C21orf91: variants seen among roughly 807,000 people sequenced by gnomAD.
C21orf91 encodes the protein protein EURL homolog.
In C21orf91, 26 loss-of-function variants were observed where a neutral mutation model predicts 32.9. That is an observed-to-expected ratio of 0.79 (90% confidence interval 0.58 to 1.10). The LOEUF (loss-of-function observed/expected upper bound fraction) is 1.10, where lower values mean the gene tolerates loss of function less well. Ranked by LOEUF, C21orf91 falls within the 50% of genes least tolerant of loss-of-function variation. C21orf91 has a pLI of 0.00. For synonymous variants in C21orf91, 126 were observed against 120.4 expected, an observed-to-expected ratio of 1.05 and a Z score of -0.31; for missense variants, 310 against 341.3, an observed-to-expected ratio of 0.91 and a Z score of 0.72.
intron 2 of C21orf91, among the ~76,000 whole-genome samples, chr21:17,814,529 C>T (rs1022727453): frequency 3.9e-5 from 6 of 152,154 alleles, no homozygotes; most frequent in African/African-American, 1.4e-4. Flanking sequence ...CACAATTCCG[C>T]AGGCTGTACA....
In C21orf91 at chr21:17,791,904, G is replaced by A. The variant is rs1314903034; in HGVS notation, c.*1511C>T. 2.6e-5 allele frequency: 4 copies of A among 152,046 alleles called. No individual in the cohort carries two copies. Among genetic ancestry groups the A allele is most frequent in the Non-Finnish European group, 5.9e-5 (4 of 67,964 alleles). The allele number at this position is 152,046 out of a possible 1,614,324, so 9.4% of individuals were successfully genotyped here. On this transcript the variant is annotated 3_prime_UTR_variant, in exon 5 of 5. Coordinates refer to ENST00000284881, the MANE Select transcript of C21orf91 (RefSeq NM_001100420.2). ...TAATACCCTCAGGCCAATTTAACAC[G>A]TCAGCATTACAAAAAGTTGTTTTCA...
chr21:17,796,700 T>A lies in C21orf91; in HGVS notation c.546A>T (p.Leu182Phe). ...LSMLQDSGATLCRNSVLWPHS... is the reference protein window; with the variant it reads ...LSMLQDSGATFCRNSVLWPHS... ...GAGGCCACAATACACTGTTACGACA[T>A]AAAGTGGCACCTGAATCTTGTAACA... is the stretch of plus-strand genomic sequence containing the variant. The change falls in exon 3 of 5, where the codon TTA (leucine) becomes TTT (phenylalanine). Residue 182 changes from leucine (L) to phenylalanine (F), a missense_variant. By Grantham distance (22) the Leu-to-Phe change is conservative (BLOSUM62 0). Coordinates refer to ENST00000284881, the MANE Select transcript of C21orf91 (RefSeq NM_001100420.2). 6.2e-7 allele frequency: 1 copy of A among 1,614,104 alleles called. No homozygotes were observed. The highest frequency in any genetic ancestry group is 1.1e-5 in the South Asian group (1 of 91,090).
chr21:17,809,784 A>G (rs1410635363), intron 2 of C21orf91, among the ~76,000 whole-genome samples: 1 of 152,172 alleles, frequency 6.6e-6, no homozygotes, highest in African/African-American at 2.4e-5. Context: ...GACACTTAGT[A>G]GTTGCTCAGT....
At chr21:17,818,386 C>T (rs2062679668) in intron 1 of C21orf91, 61 bp from the exon 2 acceptor site, 1 of 1,394,964 alleles carries the variant, frequency 7.2e-7, no homozygotes, top group Non-Finnish European at 9.8e-7. Flanking sequence ...GGGGTAGTTC[C>T]CTTTACTGGG....
chr21:17,802,284 C>T (rs945501116), intron 2 of C21orf91, among the ~76,000 whole-genome samples: 3 of 152,194 alleles, frequency 2.0e-5, no homozygotes, highest in Admixed American at 6.5e-5. Context: ...CCCCAGCCCC[C>T]CAAGTAGCTG....
intron 2 of C21orf91, among the ~76,000 whole-genome samples, chr21:17,811,080 C>T (rs1318072869): frequency 6.6e-6 from 1 of 152,144 alleles, no homozygotes; most frequent in African/African-American, 2.4e-5. Context: ...CTAAAAGTTA[C>T]TTAATAGCTC....
intron 2 of C21orf91, among the ~76,000 whole-genome samples, chr21:17,816,156 C>A (rs2062663786): frequency 6.6e-6 from 1 of 152,142 alleles, no homozygotes; most frequent in Non-Finnish European, 1.5e-5. Context: ...CGAAATAGTT[C>A]TAATTCAAAT....
chr21:17,798,008 CATGTTATTA>C (rs1007790527), intron 2 of C21orf91, among the ~76,000 whole-genome samples: 1 of 151,896 alleles, frequency 6.6e-6, no homozygotes, highest in Non-Finnish European at 1.5e-5. Flanking sequence ...AAGTTCAAGC[CATGTTATTA>C]AAGTTAAACA....
At chr21:17,807,642 T>C (rs1296971318) in intron 2 of C21orf91, among the ~76,000 whole-genome samples, 2 of 152,232 alleles carry the variant, frequency 1.3e-5, no homozygotes, top group African/African-American at 4.8e-5. Flanking sequence ...GACAGTGATA[T>C]GGACAATGAA....
At chr21:17,806,131 C>A (rs1269686055) in intron 2 of C21orf91, among the ~76,000 whole-genome samples, 1 of 152,190 alleles carries the variant, frequency 6.6e-6, no homozygotes, top group Non-Finnish European at 1.5e-5. Context: ...TGTCTCTCTG[C>A]CTTTCATCTC....
At chr21:17,797,459 T>C (rs1482396662) in intron 2 of C21orf91, among the ~76,000 whole-genome samples, 1 of 151,950 alleles carries the variant, frequency 6.6e-6, no homozygotes, top group Admixed American at 6.6e-5. Context: ...GCTTTCTTCA[T>C]GAAACCTTCT....
At chr21:17,819,073 G>A (rs903241938) in intron 1 of C21orf91, 49 of 152,220 alleles carry the variant, frequency 3.2e-4, no homozygotes, top group Non-Finnish European at 8.8e-5. Flanking sequence ...GGTCCGCCCA[G>A]CCTCAGCGTC....
At chr21:17,805,041 C>T (rs564598001) in intron 2 of C21orf91, among the ~76,000 whole-genome samples, 6 of 152,316 alleles carry the variant, frequency 3.9e-5, no homozygotes, top group East Asian at 1.9e-4. Context: ...TTAACAGCAA[C>T]GCCCAACAGA....
intron 1 of C21orf91, 89 bp from the exon 2 acceptor site, chr21:17,818,414 G>T: frequency 9.3e-7 from 1 of 1,074,882 alleles, no homozygotes; most frequent in East Asian, 2.4e-5. Context: ...AGGAAATAAG[G>T]ATGCTGTTCA....
chr21:17,803,452 G>A (rs897853760), intron 2 of C21orf91, among the ~76,000 whole-genome samples: 1 of 152,248 alleles, frequency 6.6e-6, no homozygotes, highest in African/African-American at 2.4e-5. Context: ...CACAGGCTGC[G>A]ATGAGCCACG....
chr21:17,815,090 A>C (rs2062656729), intron 2 of C21orf91, among the ~76,000 whole-genome samples: 1 of 152,090 alleles, frequency 6.6e-6, no homozygotes, highest in African/African-American at 2.4e-5. Flanking sequence ...GTCTTTTGTT[A>C]TTTCTTCCTT....
intron 3 of C21orf91, among the ~76,000 whole-genome samples, chr21:17,795,508 T>C (rs1174158099): frequency 1.3e-5 from 2 of 152,224 alleles, no homozygotes; most frequent in Non-Finnish European, 2.9e-5. Context: ...AGGGTCTCAC[T>C]TTGTCACCCA....
At chr21:17,794,309 A>G (rs566306550) in intron 4 of C21orf91, among the ~76,000 whole-genome samples, 69 of 152,230 alleles carry the variant, frequency 4.5e-4, no homozygotes, top group Non-Finnish European at 8.7e-4. Context: ...AAAAGGAGAC[A>G]ACTGCGGAAT....
rs1233424911 is a variant in C21orf91 at position 17,789,567 on chromosome 21, A to T, written c.*3848T>A. ...TAAAATGTATTAGTAATGTGGACTCAAACTAAAAAGAACAGGGAAAGTGTA... is the reference window on the plus strand; with the variant it reads ...TAAAATGTATTAGTAATGTGGACTCTAACTAAAAAGAACAGGGAAAGTGTA... On this transcript the variant is annotated 3_prime_UTR_variant, in exon 5 of 5. Coordinates refer to ENST00000284881, the MANE Select transcript of C21orf91 (RefSeq NM_001100420.2). 1 of 152,174 alleles carries T rather than the reference A, an allele frequency of 6.6e-6. No individual in the cohort carries two copies. Among genetic ancestry groups the T allele is most frequent in the Non-Finnish European group, 1.5e-5 (1 of 67,986 alleles). The allele number at this position is 152,174 out of a possible 1,614,324, so 9.4% of individuals were successfully genotyped here.
Sources: allele counts gnomAD v4.1 joint callset (sites outside exome capture counted in the v4.1 genomes callset), GRCh38; gene constraint gnomAD v4.1.1; transcripts MANE v1.5; gene names NCBI Gene and HGNC (gene_info 2026-07-23, HGNC 2026-07-21).